Variants in GABRB3 observed in about 807,000 individuals in gnomAD.
GABRB3 encodes gamma-aminobutyric acid type A receptor subunit beta3.
A neutral mutation model predicts 52.1 loss-of-function variants in GABRB3; 14 were observed. The ratio of observed to expected loss-of-function variants is 0.27; its 90% CI spans 0.18 to 0.42. The LOEUF is 0.42. Ranked by LOEUF, GABRB3 falls within the 10% of genes least tolerant of loss-of-function variation. GABRB3 has a pLI of 1.00. For synonymous variants in GABRB3, 260 were observed against 232.3 expected, an observed-to-expected ratio of 1.12 and a Z score of -1.08; for missense variants, 307 against 609.1, an observed-to-expected ratio of 0.50 and a Z score of 5.22.
At chr15:26,551,451 C>T (rs1889458601) in intron 8 of GABRB3, among the ~76,000 whole-genome samples, 1 of 152,170 alleles carries the variant, frequency 6.6e-6, no homozygotes, top group Non-Finnish European at 1.5e-5. Flanking sequence ...CCTTAAGCCT[C>T]GAGACACACA....
At chr15:26,567,147 G>T (rs1890209099) in intron 7 of GABRB3, among the ~76,000 whole-genome samples, 1 of 152,110 alleles carries the variant, frequency 6.6e-6, no homozygotes, top group Non-Finnish European at 1.5e-5. Flanking sequence ...ATTCAGAATT[G>T]AATTCCATAT....
chr15:26,612,384 G>C (rs938828954), intron 4 of GABRB3: 10 of 150,602 alleles, frequency 6.6e-5, no homozygotes, highest in Non-Finnish European at 1.2e-4. Flanking sequence ...AGACTGACTA[G>C]ATATAATTTT....
chr15:26,544,597 T>G lies in GABRB3; in HGVS notation c.*3196A>C, dbSNP rs56398838. 6.6e-6 allele frequency: 1 copy of G among 152,192 alleles called. No homozygotes were observed. The highest frequency in any genetic ancestry group is 6.5e-5 in the Admixed American group (1 of 15,272). The allele number at this position is 152,192 out of a possible 1,614,324, so 9.4% of individuals were successfully genotyped here. ...AACCCCTCCACAGTCCCGGGGTTGG[T>G]GAACAGGAATAACACTTGTTTTAAG... On this transcript the variant is annotated 3_prime_UTR_variant, in exon 9 of 9. Transcript: ENST00000311550.
At chr15:26,716,771 C>A (rs1314199932) in intron 3 of GABRB3, 3 of 1,152,108 alleles carry the variant, frequency 2.6e-6, no homozygotes, top group African/African-American at 1.7e-5. Flanking sequence ...GCTCTGAGGA[C>A]CTCCACCAAA....
upstream of GABRB3, chr15:26,773,697 GCAGGAGCTC>G: frequency 1.9e-6 from 3 of 1,575,020 alleles, no homozygotes; most frequent in Non-Finnish European, 1.7e-6. Flanking sequence ...CAGATGGGCA[GCAGGAGCTC>G]CAGGAGCCCG....
chr15:26,660,750 A>G (rs150341936), intron 3 of GABRB3, among the ~76,000 whole-genome samples: 19 of 152,330 alleles, frequency 1.2e-4, no homozygotes, highest in Middle Eastern at 3.4e-3. Context: ...TGCTAGGTAC[A>G]CCACAAAGAT....
At chr15:26,645,153 G>C (rs753318327) in intron 3 of GABRB3, among the ~76,000 whole-genome samples, 12 of 152,116 alleles carry the variant, frequency 7.9e-5, no homozygotes, top group Non-Finnish European at 1.0e-4. Flanking sequence ...GAGGCGGGAA[G>C]GGTGCTTGAG....
Position 26,621,223 on chromosome 15 carries a change from A to G in GABRB3, c.461+91T>C. 1 of 1,014,994 alleles carries G rather than the reference A, an allele frequency of 9.9e-7. No homozygotes were observed. Among genetic ancestry groups the G allele is most frequent in the East Asian group, 2.4e-5 (1 of 42,152 alleles). 62.9% of individuals were successfully genotyped at this position (1,014,994 alleles called of 1,614,324 possible). A position where few individuals can be genotyped will look rare whatever the true frequency, so the allele number is the denominator to read the frequency against. On this transcript the variant is annotated intron_variant, in intron 4 of 8. Transcript: ENST00000311550. The surrounding 1 kb of genome is among the most constrained non-coding windows in gnomAD (Gnocchi z 4.1). ...GATGCTTCCTAATTTATCTGAGGTC[A>G]TTGCCTCACTTACAATAATCATCTC...
intron 4 of GABRB3, among the ~76,000 whole-genome samples, chr15:26,598,016 C>T (rs55872205): frequency 0.17 from 25,566 of 152,088 alleles, 2,194 homozygotes; most frequent in African/African-American, 0.22. Context: ...AATGTTAATG[C>T]TAAATCTGAA....
At chr15:26,633,482 A>T (rs1892962717) in intron 3 of GABRB3, among the ~76,000 whole-genome samples, 1 of 151,982 alleles carries the variant, frequency 6.6e-6, no homozygotes, top group Non-Finnish European at 1.5e-5. Context: ...TCTTTCCTTT[A>T]ATCACCTAGC....
chr15:26,549,965 G>A (rs1231942557), intron 8 of GABRB3: 1 of 152,212 alleles, frequency 6.6e-6, no homozygotes, highest in Non-Finnish European at 1.5e-5. Flanking sequence ...ACATCAGGCA[G>A]TGAGCCCATT....
At chr15:26,690,528 G>A (rs1888555189) in intron 3 of GABRB3, among the ~76,000 whole-genome samples, 1 of 151,956 alleles carries the variant, frequency 6.6e-6, no homozygotes, top group Non-Finnish European at 1.5e-5. Context: ...ACTCAGCCCT[G>A]GCCTGTTGGT....
At chr15:26,651,783 T>C (rs1887205587) in intron 3 of GABRB3, among the ~76,000 whole-genome samples, 1 of 152,182 alleles carries the variant, frequency 6.6e-6, no homozygotes, top group South Asian at 2.1e-4. Flanking sequence ...CAGCATCACA[T>C]GGCAGACAGG....
intron 3 of GABRB3, among the ~76,000 whole-genome samples, chr15:26,630,690 T>G (rs1475532873): frequency 6.6e-6 from 1 of 152,230 alleles, no homozygotes; most frequent in Non-Finnish European, 1.5e-5. Context: ...TTATTCATCT[T>G]GGCTTATTTT....
chr15:26,642,950 G>A (rs1179465855), intron 3 of GABRB3, among the ~76,000 whole-genome samples: 3 of 151,826 alleles, frequency 2.0e-5, no homozygotes, highest in Non-Finnish European at 4.4e-5. Context: ...TCAGTCCCTC[G>A]GGGCTTCCCT....
intron 3 of GABRB3, among the ~76,000 whole-genome samples, chr15:26,764,193 T>A (rs1234162485): frequency 2.5e-4 from 1 of 4,052 alleles, no homozygotes; most frequent in African/African-American, 1.2e-3. Flanking sequence ...TATATATATA[T>A]ATATATATAT....
At chr15:26,644,336 GATTAA>G (rs922027351) in intron 3 of GABRB3, among the ~76,000 whole-genome samples, 1 of 152,182 alleles carries the variant, frequency 6.6e-6, no homozygotes, top group Non-Finnish European at 1.5e-5. Context: ...TTACAGAGAT[GATTAA>G]ATTAAAATGA....
At chr15:26,709,936 A>G (rs1348473034) in intron 3 of GABRB3, among the ~76,000 whole-genome samples, 1 of 152,194 alleles carries the variant, frequency 6.6e-6, no homozygotes, top group African/African-American at 2.4e-5. Flanking sequence ...AAGTTTCCTC[A>G]TGCATTTTTG....
At chr15:26,730,459 C>G (rs1295700077) in intron 3 of GABRB3, among the ~76,000 whole-genome samples, 1 of 145,788 alleles carries the variant, frequency 6.9e-6, no homozygotes, top group African/African-American at 2.5e-5. Context: ...GATGAAACAA[C>G]AGTTTCCCGG....
Sources: gnomAD v4.1 joint callset for allele counts (sites outside exome capture counted in the v4.1 genomes callset) on GRCh38, gnomAD v4.1.1 for gene constraint, Gnocchi (gnomAD v3.1) non-coding constraint, MANE v1.5 for transcripts, NCBI Gene and HGNC (gene_info 2026-07-23, HGNC 2026-07-21) for gene names.